Variants in COL24A1 observed in about 807,000 individuals in gnomAD.
COL24A1 encodes the protein collagen alpha-1(XXIV) chain.
Under a neutral mutation model 253.9 loss-of-function variants are expected in COL24A1, and 224 were observed. That is an observed-to-expected ratio of 0.88 (90% CI 0.79 to 0.99). COL24A1 has a LOEUF of 0.99. COL24A1 is among the 50% of genes least tolerant of loss of function. COL24A1 has a pLI of 0.00. For synonymous variants in COL24A1, 685 were observed against 673.7 expected (o/e 1.02, Z -0.26); for missense variants, 2,131 against 2,068.5 (o/e 1.03, Z -0.59).
At chr1:85,744,339 G>T (rs1265310173) in intron 57 of COL24A1, among the ~76,000 whole-genome samples, 3 of 151,950 alleles carry the variant, frequency 2.0e-5, no homozygotes, top group African/African-American at 7.2e-5. Context: ...ATTTATTTAT[G>T]TTGCTAACTT....
chr1:86,121,485 T>C (rs182925049), intron 3 of COL24A1, among the ~76,000 whole-genome samples: 1 of 152,180 alleles, frequency 6.6e-6, no homozygotes, highest in East Asian at 1.9e-4. Context: ...ATTCAAAGAA[T>C]GTCAAGATGA....
chr1:85,794,035 AC>A (rs1401292525), intron 47 of COL24A1, among the ~76,000 whole-genome samples: 5 of 152,182 alleles, frequency 3.3e-5, no homozygotes, highest in Non-Finnish European at 7.4e-5. Flanking sequence ...AAAGTAAAAA[AC>A]AAAGTAACTT....
intron 37 of COL24A1, among the ~76,000 whole-genome samples, chr1:85,862,255 T>C (rs1023275883): frequency 6.6e-6 from 1 of 152,186 alleles, no homozygotes; most frequent in Non-Finnish European, 1.5e-5. Flanking sequence ...GTATCCCTAA[T>C]GTTTAGCAGA....
At chr1:85,841,155 G>T in intron 42 of COL24A1, 67 bp downstream of exon 42, 1 of 1,089,324 alleles carries the variant, frequency 9.2e-7, no homozygotes. Flanking sequence ...TTTAATTGGT[G>T]TTGTGAATCT....
intron 14 of COL24A1, among the ~76,000 whole-genome samples, chr1:86,028,399 T>C (rs1442504048): frequency 6.6e-6 from 1 of 152,208 alleles, no homozygotes; most frequent in African/African-American, 2.4e-5. Flanking sequence ...AATTGGATCA[T>C]GGAGATGGCT....
intron 24 of COL24A1, among the ~76,000 whole-genome samples, chr1:85,955,024 G>A (rs184285857): frequency 6.6e-6 from 1 of 152,284 alleles, no homozygotes; most frequent in East Asian, 1.9e-4. Context: ...TGGGTAACTG[G>A]TGAGGGCTCC....
intron 47 of COL24A1, among the ~76,000 whole-genome samples, chr1:85,798,694 C>T (rs1382143973): frequency 6.6e-6 from 1 of 152,098 alleles, no homozygotes; most frequent in Non-Finnish European, 1.5e-5. Flanking sequence ...GGACACAATC[C>T]ACAAATGGAA....
intron 7 of COL24A1, among the ~76,000 whole-genome samples, chr1:86,086,335 T>C (rs878919825): frequency 6.6e-6 from 1 of 152,124 alleles, no homozygotes; most frequent in Admixed American, 6.6e-5. Flanking sequence ...AGCTCCAAGT[T>C]GGCTGACCTA....
At chr1:85,877,016 T>A in intron 33 of COL24A1, 106 bp downstream of exon 33, 1 of 739,528 alleles carries the variant, frequency 1.4e-6, no homozygotes, top group South Asian at 2.2e-5. Flanking sequence ...TATGAAACAA[T>A]ACTATAGAAT....
intron 5 of COL24A1, among the ~76,000 whole-genome samples, chr1:86,097,363 C>G (rs987905451): frequency 4.9e-5 from 6 of 123,334 alleles, no homozygotes; most frequent in South Asian, 5.0e-4. Context: ...TGTTGTTGTT[C>G]TTCTTCTCCT....
At chr1:85,909,573 T>G (rs986896409) in intron 26 of COL24A1, among the ~76,000 whole-genome samples, 1 of 151,848 alleles carries the variant, frequency 6.6e-6, no homozygotes, top group Admixed American at 6.6e-5. Flanking sequence ...TGCTGATATG[T>G]GTCATATCAA....
At chr1:85,807,562 A>G (rs2101847788) in intron 47 of COL24A1, among the ~76,000 whole-genome samples, 1 of 152,320 alleles carries the variant, frequency 6.6e-6, no homozygotes, top group South Asian at 2.1e-4. Flanking sequence ...AATATACCAT[A>G]GTGTACTAGA....
At chr1:85,898,461 G>T (rs1390736703) in intron 28 of COL24A1, among the ~76,000 whole-genome samples, 2 of 152,096 alleles carry the variant, frequency 1.3e-5, no homozygotes, top group Non-Finnish European at 2.9e-5. Flanking sequence ...CATAGCTCCG[G>T]CCCTACAATT....
intron 7 of COL24A1, among the ~76,000 whole-genome samples, chr1:86,076,145 C>T (rs1702226955): frequency 6.6e-6 from 1 of 152,086 alleles, no homozygotes; most frequent in African/African-American, 2.4e-5. Context: ...TTAGAAAACC[C>T]CATCACCTCA....
At chr1:86,091,171 A>T (rs1239047692) in intron 6 of COL24A1, among the ~76,000 whole-genome samples, 1 of 152,072 alleles carries the variant, frequency 6.6e-6, no homozygotes, top group Non-Finnish European at 1.5e-5. Flanking sequence ...AGTTATTTAG[A>T]CTCAGTGAAC....
intron 53 of COL24A1, among the ~76,000 whole-genome samples, chr1:85,763,859 T>C (rs930412584): frequency 4.6e-5 from 7 of 152,166 alleles, no homozygotes; most frequent in East Asian, 1.9e-4. Flanking sequence ...TATTTGGCTA[T>C]AGTAAAAACA....
intron 14 of COL24A1, among the ~76,000 whole-genome samples, chr1:86,029,563 C>T (rs1698360243): frequency 6.6e-6 from 1 of 151,850 alleles, no homozygotes. Flanking sequence ...TAAATTTTAC[C>T]ACAGTTCCAA....
chr1:85,747,535 T>C (rs539395557), intron 55 of COL24A1, among the ~76,000 whole-genome samples: 3 of 152,242 alleles, frequency 2.0e-5, no homozygotes, highest in South Asian at 4.1e-4. Context: ...AAAAATTAAC[T>C]ATATTTTCCA....
At chr1:86,028,700 C>A (rs1455355518) in intron 14 of COL24A1, among the ~76,000 whole-genome samples, 2 of 152,218 alleles carry the variant, frequency 1.3e-5, no homozygotes, top group Non-Finnish European at 2.9e-5. Flanking sequence ...TCTGTAGAAT[C>A]TCTTCCCATG....
Sources: gnomAD v4.1 joint callset for allele counts (sites outside exome capture counted in the v4.1 genomes callset) on GRCh38, gnomAD v4.1.1 for gene constraint, MANE v1.5 for transcripts, NCBI Gene and HGNC (gene_info 2026-07-23, HGNC 2026-07-21) for gene names.